The following PCSK2 variants were observed in gnomAD, a reference collection of about 807,000 sequenced individuals.
The protein encoded by PCSK2 is neuroendocrine convertase 2.
A neutral mutation model predicts 69.7 loss-of-function variants in PCSK2; 14 were observed. The observed-to-expected ratio is 0.20, with a 90% CI of 0.13 to 0.31. The LOEUF is 0.31. PCSK2 is among the 10% of genes least tolerant of loss of function. The probability of loss-of-function intolerance (pLI) is 1.00; values close to 1 mark genes in which losing one functional copy is unlikely to be tolerated. For synonymous variants in PCSK2, 307 were observed against 320.7 expected (o/e 0.96, Z 0.46); for missense variants, 544 against 842.5 (o/e 0.65, Z 4.39).
At chr20:17,463,998 C>T (rs2033057003) in intron 10 of PCSK2, 1 of 152,150 alleles carries the variant, frequency 6.6e-6, no homozygotes, top group African/African-American at 2.4e-5. Flanking sequence ...CCAAGTATTT[C>T]ATGAAAAAAT....
rs114966439 is a variant in PCSK2, at chr20:17,466,067, G to A, written c.1430+514G>A. Among the ~76,000 whole-genome samples, 1,320 of 152,198 alleles carry A rather than the reference G, an allele frequency of 8.7e-3. 23 individuals carry two copies. The highest frequency in any genetic ancestry group is 0.03 in the African/African-American group (1,251 of 41,502). On this transcript the variant is annotated intron_variant, in intron 11 of 11. Transcript: ENST00000262545. ...ATAGAACACAGAACCCCTGCTTTTG[G>A]TTGTGAGCCTTAACTGTTTCAGTGA...
At position 17,358,364 on chromosome 20, in the gene PCSK2, A is replaced by G. The variant is rs2030279427; in HGVS notation, c.320A>G (p.Lys107Arg). Residue 107 changes from lysine (K) to arginine (R), a missense_variant, in exon 3 of 12, where the codon AAA becomes AGA. Around this residue, in one of 3 missense-constraint regions of PCSK2, gnomAD observed 157 missense variants for 155.0 expected, o/e 1.01. Coordinates refer to ENST00000262545, the MANE Select transcript of PCSK2 (RefSeq NM_002594.5). ...MALQQEGFDR[K>R]KRGYRDINEI... ...TTGCAGCAGGAAGGATTTGACCGAA[A>G]AAAGCGAGGTTACAGAGACATCAAT... 1.9e-6 allele frequency: 3 copies of G among 1,613,246 alleles called. No individual in the cohort carries two copies. In the African/African-American group the frequency reaches 4.0e-5, roughly 22 times the overall value.
chr20:17,332,007 C>T (rs989661226), intron 2 of PCSK2, among the ~76,000 whole-genome samples: 1 of 152,172 alleles, frequency 6.6e-6, no homozygotes, highest in Admixed American at 6.5e-5. Flanking sequence ...TTCACACTTA[C>T]AGAGCATTTA....
intron 5 of PCSK2, among the ~76,000 whole-genome samples, chr20:17,401,488 AC>A (rs922849719): frequency 6.6e-6 from 1 of 152,054 alleles, no homozygotes; most frequent in Non-Finnish European, 1.5e-5. Flanking sequence ...CAAGGACCCC[AC>A]CTCTTAATAC....
chr20:17,458,731 G>A (rs1286601948), intron 10 of PCSK2, among the ~76,000 whole-genome samples: 1 of 152,114 alleles, frequency 6.6e-6, no homozygotes, highest in Non-Finnish European at 1.5e-5. Flanking sequence ...ATGACTGTAG[G>A]GGAGAAAAAG....
At chr20:17,385,301 A>G (rs991271293) in intron 5 of PCSK2, among the ~76,000 whole-genome samples, 1 of 152,250 alleles carries the variant, frequency 6.6e-6, no homozygotes, top group African/African-American at 2.4e-5. Context: ...CTCCAGTGAC[A>G]GCTGTAGCAC....
intron 2 of PCSK2, among the ~76,000 whole-genome samples, chr20:17,357,930 A>G (rs1418756918): frequency 6.6e-6 from 1 of 152,038 alleles, no homozygotes; most frequent in Admixed American, 6.6e-5. Context: ...TCTCTATCTA[A>G]TTCTTACTTT....
intron 5 of PCSK2, 83 bp from the exon 6 acceptor site, chr20:17,409,180 A>C: frequency 9.9e-7 from 1 of 1,005,730 alleles, no homozygotes; most frequent in Non-Finnish European, 1.6e-6. Flanking sequence ...AGGGAGGACT[A>C]GAAATGTTTA....
At chr20:17,463,811 C>G (rs1187566475) in intron 10 of PCSK2, 1 of 152,156 alleles carries the variant, frequency 6.6e-6, no homozygotes, top group East Asian at 1.9e-4. Flanking sequence ...ATCTTCCAAC[C>G]AATGAACTTT....
At position 17,232,552 on chromosome 20, in the gene PCSK2, T is replaced by TAAAAAG. The variant is rs1986179541; in HGVS notation, c.177+5070_177+5071insAAAAAG. Among the ~76,000 whole-genome samples, 4 of 152,326 alleles carry TAAAAAG rather than the reference T, an allele frequency of 2.6e-5. No individual in the cohort carries two copies. The South Asian group carries it at 8.3e-4, about 32-fold the overall frequency. Reference sequence around the variant, plus strand: ...TGGGTTGTCCATCTTCACTTTTTATTTGTAGGATTTCTTTACCTATGATGG... The same window carrying TAAAAAG: ...TGGGTTGTCCATCTTCACTTTTTATTAAAAAGTGTAGGATTTCTTTACCTATGATGG... On this transcript the variant is annotated intron_variant, in intron 1 of 11. Coordinates refer to ENST00000262545, the MANE Select transcript of PCSK2 (RefSeq NM_002594.5).
intron 5 of PCSK2, 121 bp downstream of exon 5, chr20:17,369,398 GCA>G (rs111813860): frequency 0.021 from 11,758 of 566,904 alleles, 5 homozygotes; most frequent in South Asian, 0.028. Flanking sequence ...ACAGGAGCAT[GCA>G]CACACACACA....
intron 2 of PCSK2, among the ~76,000 whole-genome samples, chr20:17,313,196 AT>A (rs1237308897): frequency 1.1e-4 from 16 of 152,148 alleles, no homozygotes; most frequent in Admixed American, 6.5e-4. Context: ...TTACACTCTT[AT>A]TTTCATTCTT....
intron 2 of PCSK2, among the ~76,000 whole-genome samples, chr20:17,310,770 T>C (rs557567388): frequency 1.7e-3 from 255 of 151,394 alleles, no homozygotes; most frequent in South Asian, 0.01. Context: ...GGCAGGTGGA[T>C]CACGAGGTCG....
intron 2 of PCSK2, among the ~76,000 whole-genome samples, chr20:17,347,165 A>C (rs1270489352): frequency 6.6e-6 from 1 of 152,164 alleles, no homozygotes; most frequent in East Asian, 1.9e-4. Context: ...ATCGTGGCTT[A>C]ACTTGGTATT....
intron 1 of PCSK2, among the ~76,000 whole-genome samples, chr20:17,243,125 AAAGGAAT>A (rs1375087862): frequency 2.0e-5 from 3 of 152,222 alleles, no homozygotes; most frequent in Admixed American, 1.3e-4. Context: ...AAATTTTTAA[AAAGGAAT>A]AATAAAAATA....
chr20:17,235,623 A>G (rs1310944123), intron 1 of PCSK2, among the ~76,000 whole-genome samples: 1 of 152,166 alleles, frequency 6.6e-6, no homozygotes, highest in Non-Finnish European at 1.5e-5. Context: ...TCACTCTTCT[A>G]AAGTTTTAAG....
chr20:17,363,225 C>T (rs1039484516), intron 4 of PCSK2, among the ~76,000 whole-genome samples: 1 of 152,222 alleles, frequency 6.6e-6, no homozygotes, highest in African/African-American at 2.4e-5. Context: ...TAATCACTGC[C>T]CTCCCATCTC....
chr20:17,269,783 G>A (rs1440311561), intron 2 of PCSK2, among the ~76,000 whole-genome samples: 1 of 152,066 alleles, frequency 6.6e-6, no homozygotes, highest in Non-Finnish European at 1.5e-5. Context: ...CATGTCAAGG[G>A]AAGAACCTGA....
At chr20:17,301,989 C>T (rs1484451830) in intron 2 of PCSK2, among the ~76,000 whole-genome samples, 1 of 151,964 alleles carries the variant, frequency 6.6e-6, no homozygotes, top group East Asian at 1.9e-4. Context: ...CTTGGTACAG[C>T]AGCCTTGACC....
Sources: allele counts gnomAD v4.1 joint callset (sites outside exome capture counted in the v4.1 genomes callset), GRCh38; gene constraint gnomAD v4.1.1; regional missense constraint gnomAD v4.1.1; transcripts MANE v1.5; gene names NCBI Gene and HGNC (gene_info 2026-07-23, HGNC 2026-07-21).